The following GABRB2 variants were observed in gnomAD, a reference collection of about 807,000 sequenced individuals.
The protein encoded by GABRB2 is gamma-aminobutyric acid type A receptor subunit beta2, also known as gamma-aminobutyric acid receptor subunit beta-2.
GABRB2 carries 16 observed loss-of-function variants against 54.7 expected under a neutral mutation model. The ratio of observed to expected loss-of-function variants is 0.29; its 90% confidence interval spans 0.20 to 0.44. The LOEUF is 0.44. Among genes scored for constraint, GABRB2 ranks in the 20% least tolerant of loss-of-function variants. The pLI is 1.00. For missense variants in GABRB2, 355 were observed against 644.0 expected (o/e 0.55, Z 4.86); for synonymous variants, 244 against 233.8 (o/e 1.04, Z -0.40).
chr5:161,386,437 T>G (rs1474357406), intron 5 of GABRB2, among the ~76,000 whole-genome samples: 2 of 152,144 alleles, frequency 1.3e-5, no homozygotes, highest in Non-Finnish European at 2.9e-5. Context: ...TCCTCATACA[T>G]TCCAGGAAGC....
chr5:161,512,114 C>G (rs1413175978), intron 3 of GABRB2, among the ~76,000 whole-genome samples: 1 of 152,000 alleles, frequency 6.6e-6, no homozygotes, highest in Non-Finnish European at 1.5e-5. Flanking sequence ...GTGACTATTC[C>G]ATGCTCAAGA....
intron 5 of GABRB2, among the ~76,000 whole-genome samples, chr5:161,357,950 A>G (rs1754689131): frequency 6.6e-6 from 1 of 152,198 alleles, no homozygotes; most frequent in Admixed American, 6.6e-5. Context: ...TTGGCATTTA[A>G]GAGAGAAGCC....
At chr5:161,352,565 G>C (rs558408635) in intron 5 of GABRB2, among the ~76,000 whole-genome samples, 27 of 152,058 alleles carry the variant, frequency 1.8e-4, no homozygotes, top group African/African-American at 6.3e-4. Flanking sequence ...AGTGGGACTG[G>C]GGAGATGGTA....
At chr5:161,357,293 C>T (rs185905254) in intron 5 of GABRB2, among the ~76,000 whole-genome samples, 9 of 151,968 alleles carry the variant, frequency 5.9e-5, no homozygotes, top group Non-Finnish European at 8.8e-5. Flanking sequence ...GAAAGGCATC[C>T]GAGGTAGAGA....
At chr5:161,345,894 T>C (rs1754307798) in intron 5 of GABRB2, among the ~76,000 whole-genome samples, 1 of 152,076 alleles carries the variant, frequency 6.6e-6, no homozygotes, top group South Asian at 2.1e-4. Flanking sequence ...TTCACACAAG[T>C]TTTTCTGAAC....
At chr5:161,353,395 C>A (rs1240371802) in intron 5 of GABRB2, among the ~76,000 whole-genome samples, 1 of 151,988 alleles carries the variant, frequency 6.6e-6, no homozygotes, top group Admixed American at 6.6e-5. Context: ...ACTTGGTAAA[C>A]CAGTTGAGAA....
chr5:161,421,906 T>C lies in GABRB2; in HGVS notation c.459-10849A>G, dbSNP rs892137616. On this transcript the variant is annotated intron_variant, in intron 4 of 9. Coordinates refer to ENST00000393959, the MANE Select transcript of GABRB2 (RefSeq NM_001371727.1). ...TTTTATATAAAATAGGCAGTAAATA[T>C]GTGGAAAAATTCTTAGCAGCATTAG... Among the ~76,000 whole-genome samples, 34 of 152,284 alleles carry C rather than the reference T, an allele frequency of 2.2e-4. No homozygotes were observed. The East Asian group carries it at 5.2e-3, about 23-fold the overall frequency.
chr5:161,443,101 C>T (rs907289122), intron 4 of GABRB2, among the ~76,000 whole-genome samples: 1 of 152,074 alleles, frequency 6.6e-6, no homozygotes, highest in Admixed American at 6.6e-5. Flanking sequence ...TACAGAATTA[C>T]ACCCTCCCCT....
chr5:161,511,788 TC>T (rs1174846645), intron 3 of GABRB2, among the ~76,000 whole-genome samples: 7 of 152,002 alleles, frequency 4.6e-5, no homozygotes, highest in African/African-American at 1.4e-4. Context: ...CATATTGTCT[TC>T]CCATTATGAA....
At chr5:161,380,703 G>A (rs1317907587) in intron 5 of GABRB2, among the ~76,000 whole-genome samples, 3 of 152,094 alleles carry the variant, frequency 2.0e-5, no homozygotes, top group African/African-American at 7.2e-5. Flanking sequence ...CAAGTCTTAA[G>A]TAATGCAGAA....
chr5:161,414,699 C>T (rs910376227), intron 4 of GABRB2, among the ~76,000 whole-genome samples: 1 of 151,784 alleles, frequency 6.6e-6, no homozygotes, highest in Non-Finnish European at 1.5e-5. Context: ...TGATAAGTAC[C>T]TGGCACATGC....
At chr5:161,446,759 G>A (rs1464659808) in intron 4 of GABRB2, among the ~76,000 whole-genome samples, 1 of 152,038 alleles carries the variant, frequency 6.6e-6, no homozygotes, top group Admixed American at 6.6e-5. Flanking sequence ...AAAGACACAT[G>A]GCCCGTAAAA....
intron 5 of GABRB2, among the ~76,000 whole-genome samples, chr5:161,398,108 C>T (rs565296809): frequency 2.6e-5 from 4 of 152,090 alleles, no homozygotes; most frequent in African/African-American, 7.2e-5. Context: ...CACAAAGTAC[C>T]GAATATATTT....
intron 5 of GABRB2, among the ~76,000 whole-genome samples, chr5:161,353,800 G>C (rs540918257): frequency 4.1e-4 from 63 of 152,004 alleles, no homozygotes; most frequent in African/African-American, 1.5e-3. Context: ...CAACATTAAA[G>C]CAAACTAGCT....
At chr5:161,526,995 A>G (rs146058637) in intron 3 of GABRB2, among the ~76,000 whole-genome samples, 2,292 of 151,586 alleles carry the variant, frequency 0.015, 34 homozygotes, top group Non-Finnish European at 0.024. Flanking sequence ...TAGGGGTAGC[A>G]TTTTTAAATT....
chr5:161,424,992 A>T (rs1756957231), intron 4 of GABRB2, among the ~76,000 whole-genome samples: 2 of 152,296 alleles, frequency 1.3e-5, no homozygotes, highest in South Asian at 4.1e-4. Context: ...GATATAGTAG[A>T]AATAGTAAGA....
intron 3 of GABRB2, among the ~76,000 whole-genome samples, chr5:161,498,319 A>C (rs1271395776): frequency 6.7e-6 from 1 of 150,090 alleles, no homozygotes; most frequent in East Asian, 2.0e-4. Flanking sequence ...TCTTTCGTTA[A>C]TGAAAAGTTG....
intron 9 of GABRB2, among the ~76,000 whole-genome samples, chr5:161,322,402 A>C (rs1758238259): frequency 6.6e-6 from 1 of 151,936 alleles, no homozygotes; most frequent in African/African-American, 2.4e-5. Context: ...TACCCAGATA[A>C]TTTTTGTACT....
At chr5:161,475,767 T>C (rs1271976239) in intron 3 of GABRB2, among the ~76,000 whole-genome samples, 2 of 151,842 alleles carry the variant, frequency 1.3e-5, no homozygotes, top group Admixed American at 6.6e-5. Flanking sequence ...TCTTTCATTA[T>C]GAAAACCCTC....
Sources: allele counts gnomAD v4.1 joint callset (sites outside exome capture counted in the v4.1 genomes callset), GRCh38; gene constraint gnomAD v4.1.1; transcripts MANE v1.5; gene names NCBI Gene and HGNC (gene_info 2026-07-23, HGNC 2026-07-21).